PRKCE: variants seen among roughly 807,000 people sequenced by gnomAD.
The protein encoded by PRKCE is protein kinase C epsilon.
In PRKCE, 16 loss-of-function variants were observed where a neutral mutation model predicts 85.4. The observed-to-expected ratio is 0.19, with a 90% CI of 0.13 to 0.28. The LOEUF (loss-of-function observed/expected upper bound fraction) is 0.28, where lower values mean the gene tolerates loss of function less well. PRKCE is among the 10% of genes least tolerant of loss of function. The pLI is 1.00. For synonymous variants in PRKCE, 388 were observed against 371.5 expected (o/e 1.04, Z -0.51); for missense variants, 573 against 975.2 (o/e 0.59, Z 5.49).
At chr2:45,672,609 G>A (rs1233605033) in intron 1 of PRKCE, among the ~76,000 whole-genome samples, 1 of 152,172 alleles carries the variant, frequency 6.6e-6, no homozygotes, top group African/African-American at 2.4e-5. Context: ...TATTGACTGA[G>A]GTTGCGGCAA....
chr2:45,907,295 A>T lies in PRKCE; in HGVS notation c.412+64232A>T, dbSNP rs148697821. 2.4e-4 allele frequency among the ~76,000 whole-genome samples: 36 copies of T among 152,322 alleles called. No individual in the cohort carries two copies. In the East Asian group the frequency reaches 6.2e-3, roughly 26 times the overall value. ...AAAGGAAAAAATAAATCAGCCCCCT[A>T]TTGAGTGACTTTCAGGAATGAGAGG... On this transcript the variant is annotated intron_variant, in intron 2 of 14. Transcript: ENST00000306156. The surrounding 1 kb of genome is among the most constrained non-coding windows in gnomAD (Gnocchi z 4.5).
intron 10 of PRKCE, among the ~76,000 whole-genome samples, chr2:46,070,672 G>A (rs187763304): frequency 1.5e-3 from 223 of 152,074 alleles, no homozygotes; most frequent in Middle Eastern, 0.014. Flanking sequence ...AAACAAAGGT[G>A]GCATTTTATT....
At chr2:45,983,848 C>T (rs1014429668) in intron 5 of PRKCE, among the ~76,000 whole-genome samples, 2 of 152,098 alleles carry the variant, frequency 1.3e-5, no homozygotes, top group African/African-American at 4.8e-5. Context: ...TTACACGCTG[C>T]TGCACAGAAT....
At chr2:45,974,036 C>T (rs1243924098) in intron 2 of PRKCE, among the ~76,000 whole-genome samples, 1 of 152,166 alleles carries the variant, frequency 6.6e-6, no homozygotes, top group Admixed American at 6.5e-5. Context: ...AACCTGCATC[C>T]TGTGTCCTAT....
chr2:46,136,052 C>T (rs894805238), intron 11 of PRKCE, among the ~76,000 whole-genome samples: 1 of 151,954 alleles, frequency 6.6e-6, no homozygotes, highest in African/African-American at 2.4e-5. Context: ...ACTATTTGTC[C>T]CAAAACAAGC....
At chr2:45,841,016 C>T (rs930082625) in intron 1 of PRKCE, among the ~76,000 whole-genome samples, 3 of 152,136 alleles carry the variant, frequency 2.0e-5, no homozygotes, top group East Asian at 3.9e-4. Flanking sequence ...AGCCTTTTCC[C>T]ACCTCCACGA....
intron 2 of PRKCE, among the ~76,000 whole-genome samples, chr2:45,934,067 C>A (rs936066201): frequency 6.6e-6 from 1 of 152,096 alleles, no homozygotes; most frequent in African/African-American, 2.4e-5. Context: ...CCTAACTGAC[C>A]TCTGCTGTCA....
At chr2:45,973,283 G>A (rs944835995) in intron 2 of PRKCE, among the ~76,000 whole-genome samples, 5 of 152,170 alleles carry the variant, frequency 3.3e-5, no homozygotes, top group African/African-American at 4.8e-5. Context: ...TGACAGTGCT[G>A]AGGATACTCT....
intron 2 of PRKCE, among the ~76,000 whole-genome samples, chr2:45,935,841 A>G (rs1351308913): frequency 6.6e-6 from 1 of 151,782 alleles, no homozygotes; most frequent in Non-Finnish European, 1.5e-5. Flanking sequence ...GGTGACTTAG[A>G]TGCCTTCTCT....
chr2:45,725,628 C>A (rs142701453), intron 1 of PRKCE, among the ~76,000 whole-genome samples: 1 of 151,964 alleles, frequency 6.6e-6, no homozygotes. Context: ...GTCAAGAGAT[C>A]GAGACCATCC....
chr2:45,708,703 A>G (rs1031700872), intron 1 of PRKCE, among the ~76,000 whole-genome samples: 1 of 152,218 alleles, frequency 6.6e-6, no homozygotes, highest in Non-Finnish European at 1.5e-5. Context: ...AGGTATGGCC[A>G]GGTGTGGTCC....
At chr2:45,858,785 A>C (rs113744423) in intron 2 of PRKCE, among the ~76,000 whole-genome samples, 5,813 of 152,198 alleles carry the variant, frequency 0.038, 132 homozygotes, top group South Asian at 0.05. Flanking sequence ...TCATACCTGT[A>C]ATCCCAGCAC....
chr2:45,868,930 C>G (rs1390782299), intron 2 of PRKCE, among the ~76,000 whole-genome samples: 7 of 149,010 alleles, frequency 4.7e-5, no homozygotes, highest in African/African-American at 1.5e-4. Flanking sequence ...TGCACTCCAG[C>G]CTGAGTGACA....
chr2:45,804,772 C>A (rs758435971), intron 1 of PRKCE, among the ~76,000 whole-genome samples: 4 of 152,124 alleles, frequency 2.6e-5, no homozygotes, highest in Non-Finnish European at 5.9e-5. Context: ...TACTGGCAGT[C>A]GGCTTGGCAG....
intron 2 of PRKCE, among the ~76,000 whole-genome samples, chr2:45,942,225 CGTT>C (rs1336888509): frequency 1.3e-5 from 2 of 152,118 alleles, no homozygotes; most frequent in Non-Finnish European, 2.9e-5. Context: ...CAGGCTGAAT[CGTT>C]GTGCTAGTTA....
At chr2:46,098,431 T>G (rs1399677766) in intron 11 of PRKCE, among the ~76,000 whole-genome samples, 4 of 152,180 alleles carry the variant, frequency 2.6e-5, no homozygotes, top group Admixed American at 2.0e-4. Context: ...CATTAATTAA[T>G]GTTATTATTA....
chr2:45,659,656 C>A (rs1369070764), intron 1 of PRKCE, among the ~76,000 whole-genome samples: 1 of 152,206 alleles, frequency 6.6e-6, no homozygotes, highest in Non-Finnish European at 1.5e-5. Flanking sequence ...CTTAAATGCA[C>A]TTACCATGCT....
chr2:45,680,595 G>A (rs1468929626), intron 1 of PRKCE, among the ~76,000 whole-genome samples: 6 of 152,180 alleles, frequency 3.9e-5, no homozygotes, highest in Admixed American at 1.3e-4. Context: ...AAGGCCAGCC[G>A]ACTTCTGCCA....
At chr2:45,802,837 C>G (rs1687971200) in intron 1 of PRKCE, among the ~76,000 whole-genome samples, 1 of 152,226 alleles carries the variant, frequency 6.6e-6, no homozygotes, top group South Asian at 2.1e-4. Flanking sequence ...AGTATATGCA[C>G]TAAATCATAT....
Sources: gnomAD v4.1 joint callset for allele counts (sites outside exome capture counted in the v4.1 genomes callset) on GRCh38, gnomAD v4.1.1 for gene constraint, Gnocchi (gnomAD v3.1) non-coding constraint, MANE v1.5 for transcripts, NCBI Gene and HGNC (gene_info 2026-07-23, HGNC 2026-07-21) for gene names.